SRI: variants seen among roughly 807,000 people sequenced by gnomAD.
The protein encoded by SRI is 22 kDa protein.
In SRI, 30 loss-of-function variants were observed where a neutral mutation model predicts 33.3. The observed-to-expected ratio is 0.90, with a 90% CI of 0.67 to 1.22. SRI has a LOEUF of 1.22. SRI is among the 50% of genes most tolerant of loss of function. The pLI, the probability that SRI is intolerant of heterozygous loss-of-function variation, is 0.00. For missense variants in SRI, 243 were observed against 250.8 expected (o/e 0.97, Z 0.21); for synonymous variants, 75 against 89.9 (o/e 0.83, Z 0.94).
upstream of SRI, among the ~76,000 whole-genome samples, chr7:88,223,825 T>G (rs1851941326): frequency 6.6e-6 from 1 of 152,152 alleles, no homozygotes; most frequent in South Asian, 2.1e-4. Flanking sequence ...CTCTGGCAGT[T>G]TAGCACTTTA....
intron 4 of SRI, chr7:88,210,393 A>C: frequency 2.1e-6 from 1 of 481,904 alleles, no homozygotes. Flanking sequence ...CACTTATAAA[A>C]AGCGGTCTTG....
intron 3 of SRI, among the ~76,000 whole-genome samples, chr7:88,211,610 A>C (rs1851581367): frequency 6.6e-6 from 1 of 152,198 alleles, no homozygotes; most frequent in Non-Finnish European, 1.5e-5. Context: ...AAATGACTAT[A>C]AATTGCTGGT....
chr7:88,220,181 C>G, upstream of SRI: 1 of 1,314,898 alleles, frequency 7.6e-7, no homozygotes, highest in East Asian at 3.2e-5. Flanking sequence ...CCTGTGCGCG[C>G]GGCCGTGGCT....
In SRI at chr7:88,218,865, A is replaced by G; in HGVS notation, c.129T>C (p.Ala43=). Reference sequence around the variant, plus strand: ...ATTAAAGGGAAAAGCTAACCTGTCCAGCTACAGCAGCAAAGTAACCATACA... The same window carrying G: ...ATTAAAGGGAAAAGCTAACCTGTCCGGCTACAGCAGCAAAGTAACCATACA... ...DPLYGYFAAV[A]GQDGQIDADE... The change falls in exon 2 of 8, where the codon GCT becomes GCC. Residue 43 remains alanine (A), a synonymous_variant. Transcript: ENST00000265729. 1 of 1,614,164 alleles carries G rather than the reference A, an allele frequency of 6.2e-7. No individual in the cohort carries two copies. Among genetic ancestry groups the G allele is most frequent in the Non-Finnish European group, 8.5e-7 (1 of 1,180,002 alleles).
intron 1 of SRI, chr7:88,219,572 G>T (rs571539741): frequency 1.0e-4 from 18 of 172,006 alleles, no homozygotes; most frequent in Non-Finnish European, 1.7e-4. Flanking sequence ...TTGTTTGTTT[G>T]TTTTTTAAAG....
intron 1 of SRI, chr7:88,219,546 TTG>T (rs1200993988): frequency 2.3e-4 from 39 of 171,106 alleles, no homozygotes; most frequent in African/African-American, 5.1e-4. Context: ...CGTTTTTTGT[TTG>T]TTTGTTTGTT....
At chr7:88,212,470 T>C (rs1052940214) in intron 3 of SRI, among the ~76,000 whole-genome samples, 1 of 152,224 alleles carries the variant, frequency 6.6e-6, no homozygotes, top group African/African-American at 2.4e-5. Flanking sequence ...CTTTAAAAGA[T>C]TCTGATACCT....
chr7:88,218,794 C>T, intron 2 of SRI, 65 bp downstream of exon 2: 1 of 1,509,116 alleles, frequency 6.6e-7, no homozygotes, highest in Non-Finnish European at 9.2e-7. Flanking sequence ...TTCTGTGTCA[C>T]TATATCAAAA....
chr7:88,216,205 C>T (rs985096521), intron 3 of SRI, among the ~76,000 whole-genome samples: 1 of 151,918 alleles, frequency 6.6e-6, no homozygotes, highest in African/African-American at 2.4e-5. Context: ...CTTGAACTCC[C>T]GGGCTCAAGC....
At chr7:88,214,809 T>G in intron 3 of SRI, 5 of 1,079,942 alleles carry the variant, frequency 4.6e-6, no homozygotes, top group Non-Finnish European at 5.7e-6. Context: ...ACTCTTTTTC[T>G]TCTCTTCTGT....
rs1851847126 is a variant in SRI, at chr7:88,220,019, T to A, written c.8A>T (p.Tyr3Phe). MA[Y>F]PGHPGAGGGY... ...GCCGCCGGCGCCAGGATGCCCCGGG[T>A]ACGCCATGCTGCAGACTGCGCCGCA... The change falls in exon 1 of 8, where the codon TAC becomes TTC. Residue 3 changes from tyrosine (Y) to phenylalanine (F), a missense_variant. By Grantham distance (22) the Tyr-to-Phe change is conservative (BLOSUM62 3). Coordinates refer to ENST00000265729, the MANE Select transcript of SRI (RefSeq NM_003130.4). The A allele has an allele frequency of 6.5e-7, 1 of 1,532,480 alleles. No individual in the cohort carries two copies. The highest frequency in any genetic ancestry group is 8.7e-7 in the Non-Finnish European group (1 of 1,145,114). 94.9% of individuals were successfully genotyped at this position (1,532,480 alleles called of 1,614,324 possible).
rs149993036 is a variant in SRI, at chr7:88,226,464, T to C, written c.6+445A>G. ...GACTTGTGGAGAGAGGAGGGGAAGA[T>C]AATACAATCTCCATCTGTTCAATAA... is the stretch of plus-strand genomic sequence containing the variant. On this transcript the variant is annotated intron_variant, in intron 1 of 7. Coordinates refer to the SRI transcript ENST00000394641. Among the ~76,000 whole-genome samples, 49 of 152,212 alleles carry C rather than the reference T, an allele frequency of 3.2e-4. 1 individual carries two copies. The East Asian group carries it at 3.9e-3, about 12-fold the overall frequency.
At chr7:88,209,807 G>T (rs758641340) in intron 5 of SRI, among the ~76,000 whole-genome samples, 176 bp downstream of exon 5, 1 of 152,032 alleles carries the variant, frequency 6.6e-6, no homozygotes. Context: ...GTAGAGTCGG[G>T]GTTTTACTGT....
At chr7:88,217,853 T>C (rs1851771413) in intron 2 of SRI, among the ~76,000 whole-genome samples, 1 of 152,206 alleles carries the variant, frequency 6.6e-6, no homozygotes, top group Non-Finnish European at 1.5e-5. Flanking sequence ...GCACTGGCAA[T>C]CTAAGAATGC....
intron 3 of SRI, among the ~76,000 whole-genome samples, chr7:88,215,562 CTTATT>C (rs1287035258): frequency 6.6e-6 from 1 of 152,168 alleles, no homozygotes; most frequent in Non-Finnish European, 1.5e-5. Flanking sequence ...CCAAAAAGTG[CTTATT>C]TTGTTTAGGA....
Position 88,206,335 on chromosome 7 carries a change from T to C in SRI, c.*143A>G, listed in dbSNP as rs1851438542. On this transcript the variant is annotated 3_prime_UTR_variant, in exon 8 of 8. Coordinates refer to ENST00000265729, the MANE Select transcript of SRI (RefSeq NM_003130.4). Reference sequence around the variant, plus strand: ...TATCAAAACTAAAACAAAACTTCAGTTGTACATAAAGTAATAAACTTTACA... The same window carrying C: ...TATCAAAACTAAAACAAAACTTCAGCTGTACATAAAGTAATAAACTTTACA... The C allele has an allele frequency of 4.2e-6, 4 of 954,342 alleles. No homozygotes were observed. Among genetic ancestry groups the C allele is most frequent in the Non-Finnish European group, 6.7e-6 (4 of 593,202 alleles). The allele number at this position is 954,342 out of a possible 1,614,324, so 59.1% of individuals were successfully genotyped here. A position where few individuals can be genotyped will look rare whatever the true frequency, so the allele number is the denominator to read the frequency against.
In SRI at chr7:88,206,651, A is replaced by G. The variant is rs1450674145; in HGVS notation, c.571-147T>C. 4.8e-6 allele frequency: 4 copies of G among 827,254 alleles called. No individual in the cohort carries two copies. In the African/African-American group the frequency reaches 5.2e-5, roughly 11 times the overall value. The allele number at this position is 827,254 out of a possible 1,614,324, so 51.2% of individuals were successfully genotyped here. ...TAAGATATGAGTAAATGATAGATGG[A>G]AAAGTTTCCTTTTTTTAGGGAAGCA... On this transcript the variant is annotated intron_variant, in intron 7 of 7. Transcript: ENST00000265729.
chr7:88,224,194 G>T (rs947568661), upstream of SRI, among the ~76,000 whole-genome samples: 8 of 152,198 alleles, frequency 5.3e-5, no homozygotes, highest in Non-Finnish European at 7.3e-5. Flanking sequence ...CTCTCAGAGA[G>T]AATCCCATTC....
At position 88,208,556 on chromosome 7, in the gene SRI, C is replaced by T. The variant is rs781565827; in HGVS notation, c.521G>A (p.Arg174Gln). ...VKLRALTDSF[R>Q]RRDTAQQGVV... is the part of the protein sequence containing the mutation. ...ACCTTGCTGAGCAGTATCCCGTCTT[C>T]GAAAGCTGTCTGTAAAACAACACAG... The change falls in exon 7 of 8, where the codon CGA becomes CAA. Residue 174 changes from arginine to glutamine, a missense_variant. Coordinates refer to ENST00000265729, the MANE Select transcript of SRI (RefSeq NM_003130.4). 16 of 1,613,676 alleles carry T rather than the reference C, an allele frequency of 9.9e-6. No homozygotes were observed. In the East Asian group the frequency reaches 1.1e-4, roughly 11 times the overall value.
Sources: gnomAD v4.1 joint callset for allele counts (sites outside exome capture counted in the v4.1 genomes callset) on GRCh38, gnomAD v4.1.1 for gene constraint, MANE v1.5 for transcripts, NCBI Gene and HGNC (gene_info 2026-07-23, HGNC 2026-07-21) for gene names.